ENTREP2: variants seen among roughly 807,000 people sequenced by gnomAD.
ENTREP2 encodes protein ENTREP2.
chr15:29,352,226 C>A, the ENTREP2 span, among the ~76,000 whole-genome samples: 6 of 152,164 alleles, frequency 3.9e-5, no homozygotes, highest in African/African-American at 1.4e-4. Context: ...TGAGCCACTG[C>A]ACCTGGCTTC....
chr15:29,158,767 T>C, the ENTREP2 span, among the ~76,000 whole-genome samples: 2 of 152,138 alleles, frequency 1.3e-5, no homozygotes, highest in African/African-American at 2.4e-5. Flanking sequence ...GTTTTGCTAC[T>C]GGATATTCTG....
chr15:29,278,917 C>A, the ENTREP2 span, among the ~76,000 whole-genome samples: 1 of 152,140 alleles, frequency 6.6e-6, no homozygotes, highest in East Asian at 1.9e-4. Context: ...ATCAAGGAGT[C>A]GGCATGTTTG....
the ENTREP2 span, chr15:29,269,758 G>T: frequency 1.4e-6 from 2 of 1,409,058 alleles, no homozygotes; most frequent in South Asian, 3.2e-5. Flanking sequence ...AGCCGCGGCG[G>T]GGATTGCGGG....
chr15:29,527,615 G>A, the ENTREP2 span, among the ~76,000 whole-genome samples: 1 of 151,962 alleles, frequency 6.6e-6, no homozygotes, highest in South Asian at 2.1e-4. Flanking sequence ...CCTCCCCAGG[G>A]CACAAAATCA....
the ENTREP2 span, among the ~76,000 whole-genome samples, chr15:29,576,669 A>G: frequency 6.6e-6 from 1 of 152,258 alleles, no homozygotes; most frequent in African/African-American, 2.4e-5. Context: ...TGACTTGAAT[A>G]GACATTTCTC....
the ENTREP2 span, among the ~76,000 whole-genome samples, chr15:29,367,551 C>T: frequency 6.6e-6 from 1 of 152,042 alleles, no homozygotes; most frequent in East Asian, 1.9e-4. Context: ...AATAAGATGC[C>T]CATAGCACTT....
the ENTREP2 span, among the ~76,000 whole-genome samples, chr15:29,496,782 G>A: frequency 6.6e-6 from 1 of 152,056 alleles, no homozygotes; most frequent in Admixed American, 6.6e-5. Context: ...TGTTTAATAT[G>A]CTATTGAATT....
At chr15:29,341,749 G>A in the ENTREP2 span, among the ~76,000 whole-genome samples, 2 of 152,086 alleles carry the variant, frequency 1.3e-5, no homozygotes, top group Non-Finnish European at 2.9e-5. Flanking sequence ...TCTGGGCCTG[G>A]AGCCTGCAGG....
the ENTREP2 span, among the ~76,000 whole-genome samples, chr15:29,235,991 C>A: frequency 6.6e-6 from 1 of 150,490 alleles, no homozygotes; most frequent in African/African-American, 2.4e-5. Flanking sequence ...CAAAAAAAAA[C>A]CCAAAGCAAA....
the ENTREP2 span, among the ~76,000 whole-genome samples, chr15:29,271,379 G>C: frequency 2.6e-5 from 4 of 152,188 alleles, no homozygotes; most frequent in Non-Finnish European, 5.9e-5. Context: ...ATGTTGTATT[G>C]AGGGAATAGA....
the ENTREP2 span, among the ~76,000 whole-genome samples, chr15:29,466,011 C>A: frequency 6.6e-6 from 1 of 152,198 alleles, no homozygotes; most frequent in East Asian, 1.9e-4. Context: ...ATTTATCCAA[C>A]AAATATTTAC....
chr15:29,340,345 T>A, the ENTREP2 span, among the ~76,000 whole-genome samples: 1 of 152,062 alleles, frequency 6.6e-6, no homozygotes, highest in East Asian at 1.9e-4. Flanking sequence ...TGCTGATAAA[T>A]TTCATGCTTC....
At chr15:29,548,766 A>C in the ENTREP2 span, among the ~76,000 whole-genome samples, 1 of 152,222 alleles carries the variant, frequency 6.6e-6, no homozygotes. Context: ...TATATTTTTC[A>C]TCATAAGAGG....
chr15:29,553,704 G>A, the ENTREP2 span, among the ~76,000 whole-genome samples: 3 of 152,208 alleles, frequency 2.0e-5, no homozygotes. Flanking sequence ...CATGTAGGAA[G>A]TCCAACTACC....
At chr15:29,663,611 G>A in the ENTREP2 span, among the ~76,000 whole-genome samples, 3 of 151,972 alleles carry the variant, frequency 2.0e-5, no homozygotes, top group Non-Finnish European at 4.4e-5. Context: ...ACCATCGCAA[G>A]GACAAAAAAC....
chr15:29,594,894 G>A, the ENTREP2 span, among the ~76,000 whole-genome samples: 13 of 151,762 alleles, frequency 8.6e-5, no homozygotes, highest in African/African-American at 2.2e-4. Flanking sequence ...GTGAAACCCC[G>A]TCTCTACTAA....
the ENTREP2 span, among the ~76,000 whole-genome samples, chr15:29,498,439 A>G: frequency 1.3e-5 from 2 of 152,092 alleles, no homozygotes; most frequent in African/African-American, 4.8e-5. Context: ...AATTTTCCCA[A>G]TTCCCTTCCA....
chr15:29,517,657 A>G, the ENTREP2 span, among the ~76,000 whole-genome samples: 2 of 152,162 alleles, frequency 1.3e-5, no homozygotes, highest in African/African-American at 4.8e-5. Context: ...TGTATAATAT[A>G]TAACTCTTTG....
At chr15:29,550,589 T>C in the ENTREP2 span, among the ~76,000 whole-genome samples, 25 of 152,256 alleles carry the variant, frequency 1.6e-4, no homozygotes. Flanking sequence ...ACTGAAACTT[T>C]CTTGGCAACT....
Sources: gnomAD v4.1 joint callset for allele counts (sites outside exome capture counted in the v4.1 genomes callset) on GRCh38, gnomAD v4.1.1 for gene constraint, MANE v1.5 for transcripts, NCBI Gene and HGNC (gene_info 2026-07-23, HGNC 2026-07-21) for gene names.